BMERB1: variants seen among roughly 807,000 people sequenced by gnomAD.
BMERB1 encodes the protein bMERB domain-containing protein 1.
BMERB1 carries 12 observed loss-of-function variants against 23.6 expected under a neutral mutation model. The observed-to-expected ratio is 0.51, with a 90% CI of 0.33 to 0.82. The LOEUF is 0.82. BMERB1 is among the 40% of genes least tolerant of loss of function. The probability of loss-of-function intolerance (pLI) is 0.03; values close to 1 mark genes in which losing one functional copy is unlikely to be tolerated. For missense variants in BMERB1, 247 were observed against 255.4 expected (o/e 0.97, Z 0.22); for synonymous variants, 122 against 96.6 (o/e 1.26, Z -1.54).
chr16:15,460,793 C>T (rs1349408297), intron 1 of BMERB1, among the ~76,000 whole-genome samples: 1 of 152,106 alleles, frequency 6.6e-6, no homozygotes, highest in African/African-American at 2.4e-5. Context: ...GACACAGTAA[C>T]AGATCATTAT....
intron 2 of BMERB1, among the ~76,000 whole-genome samples, chr16:15,519,200 G>A (rs1425560409): frequency 6.6e-6 from 1 of 151,892 alleles, no homozygotes; most frequent in African/African-American, 2.4e-5. Context: ...TAAGTGACAG[G>A]AATGTGACAG....
intron 3 of BMERB1, among the ~76,000 whole-genome samples, chr16:15,573,338 T>G (rs1007368018): frequency 6.6e-6 from 1 of 152,186 alleles, no homozygotes; most frequent in South Asian, 2.1e-4. Context: ...AATTCATGCA[T>G]AGCCGGCTGA....
At position 15,581,755 on chromosome 16, in the gene BMERB1, C is replaced by T. The variant is rs559992332; in HGVS notation, c.419+424C>T. On this transcript the variant is annotated intron_variant, in intron 4 of 5. Coordinates refer to ENST00000300006, the MANE Select transcript of BMERB1 (RefSeq NM_033201.3). ...CTCCCCTTTCCCTTCCCCTTAGTGGCGCCAATGCCCTTTTCTAAGTATCAG... is the reference window on the plus strand; with the variant it reads ...CTCCCCTTTCCCTTCCCCTTAGTGGTGCCAATGCCCTTTTCTAAGTATCAG... Among the ~76,000 whole-genome samples, 23 of 152,316 alleles carry T rather than the reference C, an allele frequency of 1.5e-4. No individual in the cohort carries two copies. In the East Asian group the frequency reaches 1.7e-3, roughly 11 times the overall value.
intron 1 of BMERB1, among the ~76,000 whole-genome samples, chr16:15,456,412 C>G (rs2051087937): frequency 6.6e-6 from 1 of 151,710 alleles, no homozygotes; most frequent in Non-Finnish European, 1.5e-5. Context: ...TCATAGCTCA[C>G]TGCAACCTCT....
intron 2 of BMERB1, among the ~76,000 whole-genome samples, chr16:15,541,756 C>T (rs1598507061): frequency 6.6e-6 from 1 of 151,516 alleles, no homozygotes. Flanking sequence ...CGCCTGCCAC[C>T]ATGCCTGGCT....
At position 15,586,723 on chromosome 16, in the gene BMERB1, G is replaced by T; in HGVS notation, c.509G>T (p.Arg170Leu). 1 of 1,609,094 alleles carries T rather than the reference G, an allele frequency of 6.2e-7. No homozygotes were observed. The highest frequency in any genetic ancestry group is 8.5e-7 in the Non-Finnish European group (1 of 1,178,192). ...DKVTKSPASS[R>L]AEKKAEPPPS... ...TGCCCACATCTTGCTGCAGGCTCCCGGGCAGAGAAGAAAGCAGAGCCCCCA... is the reference window on the plus strand; with the variant it reads ...TGCCCACATCTTGCTGCAGGCTCCCTGGCAGAGAAGAAAGCAGAGCCCCCA... Residue 170 changes from arginine to leucine, a missense_variant, in exon 6 of 6, where the codon CGG becomes CTG. By Grantham distance (102) the Arg-to-Leu change is moderately radical (BLOSUM62 -2). Coordinates refer to ENST00000300006, the MANE Select transcript of BMERB1 (RefSeq NM_033201.3).
intron 1 of BMERB1, among the ~76,000 whole-genome samples, chr16:15,471,062 C>T (rs1238725522): frequency 6.6e-6 from 1 of 151,856 alleles, no homozygotes; most frequent in Non-Finnish European, 1.5e-5. Context: ...GTCTTGAACT[C>T]CTGACCTCAA....
chr16:15,455,879 T>C (rs542415437), intron 1 of BMERB1, among the ~76,000 whole-genome samples: 1 of 152,336 alleles, frequency 6.6e-6, no homozygotes, highest in South Asian at 2.1e-4. Flanking sequence ...TTGGCCTGAC[T>C]TGCCACTGTG....
At chr16:15,489,754 C>G (rs1164311305) in intron 1 of BMERB1, among the ~76,000 whole-genome samples, 1 of 152,162 alleles carries the variant, frequency 6.6e-6, no homozygotes, top group African/African-American at 2.4e-5. Context: ...TCCCACGCCA[C>G]AGAGTCTAAC....
chr16:15,563,428 A>C (rs1329845618), intron 2 of BMERB1, among the ~76,000 whole-genome samples: 1 of 151,810 alleles, frequency 6.6e-6, no homozygotes, highest in Non-Finnish European at 1.5e-5. Flanking sequence ...ACCATGTTAG[A>C]CAGGATGGTC....
At chr16:15,445,989 GAAAGA>G (rs2050985422) in intron 1 of BMERB1, among the ~76,000 whole-genome samples, 1 of 152,132 alleles carries the variant, frequency 6.6e-6, no homozygotes, top group African/African-American at 2.4e-5. Context: ...AAGCAAGCAA[GAAAGA>G]AAAGAGTACA....
intron 1 of BMERB1, among the ~76,000 whole-genome samples, chr16:15,468,169 A>G (rs1217417524): frequency 2.5e-5 from 2 of 80,596 alleles, no homozygotes; most frequent in African/African-American, 5.0e-5. Flanking sequence ...TTTTTGAGGC[A>G]GGGTCTCAGT....
chr16:15,549,956 G>GT (rs901614377), intron 2 of BMERB1, among the ~76,000 whole-genome samples: 180 of 145,928 alleles, frequency 1.2e-3, no homozygotes, highest in East Asian at 4.2e-3. Flanking sequence ...TCAAAAGCAC[G>GT]TTTTTTTTTT....
chr16:15,467,225 A>G (rs949532761), intron 1 of BMERB1, among the ~76,000 whole-genome samples: 7 of 152,146 alleles, frequency 4.6e-5, no homozygotes, highest in Non-Finnish European at 8.8e-5. Flanking sequence ...GCAGTTACTG[A>G]GTTGCTTCAA....
chr16:15,438,231 C>T (rs570114495), intron 1 of BMERB1, among the ~76,000 whole-genome samples: 1 of 151,066 alleles, frequency 6.6e-6, no homozygotes, highest in Non-Finnish European at 1.5e-5. Flanking sequence ...GGACTACAGG[C>T]GCCTGCCACC....
chr16:15,458,236 G>A (rs774751781), intron 1 of BMERB1, among the ~76,000 whole-genome samples: 1 of 152,120 alleles, frequency 6.6e-6, no homozygotes, highest in Non-Finnish European at 1.5e-5. Context: ...TCTGTAAATA[G>A]CACACACTGT....
chr16:15,520,336 A>T (rs555561437), intron 2 of BMERB1, among the ~76,000 whole-genome samples: 1 of 152,086 alleles, frequency 6.6e-6, no homozygotes, highest in South Asian at 2.1e-4. Context: ...CCCCGATTAG[A>T]TGCCCCCAGT....
chr16:15,512,185 G>A (rs976954001), intron 1 of BMERB1, among the ~76,000 whole-genome samples: 1 of 151,994 alleles, frequency 6.6e-6, no homozygotes, highest in African/African-American at 2.4e-5. Context: ...CACATGGAAC[G>A]GACACATCAC....
At chr16:15,501,753 G>A (rs1482196657) in intron 1 of BMERB1, among the ~76,000 whole-genome samples, 2 of 152,062 alleles carry the variant, frequency 1.3e-5, no homozygotes, top group African/African-American at 4.8e-5. Context: ...GATTACAGGC[G>A]TGAGTGAGCC....
Sources: gnomAD v4.1 joint callset for allele counts (sites outside exome capture counted in the v4.1 genomes callset) on GRCh38, gnomAD v4.1.1 for gene constraint, MANE v1.5 for transcripts, NCBI Gene and HGNC (gene_info 2026-07-23, HGNC 2026-07-21) for gene names.